EPB41L4A: variants seen among roughly 807,000 people sequenced by gnomAD.
EPB41L4A encodes the protein band 4.1-like protein 4A.
In EPB41L4A, 100 loss-of-function variants were observed where a neutral mutation model predicts 108.6. The ratio of observed to expected loss-of-function variants is 0.92; its 90% confidence interval spans 0.78 to 1.09. EPB41L4A has a LOEUF of 1.09. Ranked by LOEUF, EPB41L4A falls within the 50% of genes least tolerant of loss-of-function variation. The probability of loss-of-function intolerance (pLI) is 0.00; values close to 1 mark genes in which losing one functional copy is unlikely to be tolerated. For synonymous variants in EPB41L4A, 319 were observed against 289.0 expected (o/e 1.10, Z -1.05); for missense variants, 1,030 against 842.7 (o/e 1.22, Z -2.75).
chr5:112,157,598 C>T (rs1759695904), intron 12 of EPB41L4A, among the ~76,000 whole-genome samples: 1 of 152,218 alleles, frequency 6.6e-6, no homozygotes, highest in Non-Finnish European at 1.5e-5. Flanking sequence ...CCCCTTCCTA[C>T]ATCTTCAAAG....
chr5:112,259,936 C>G lies in EPB41L4A; in HGVS notation c.686G>C (p.Gly229Ala). The G allele has an allele frequency of 1.2e-6, 2 of 1,614,102 alleles. No individual in the cohort carries two copies. The highest frequency in any genetic ancestry group is 1.7e-6 in the Non-Finnish European group (2 of 1,179,972). Residue 229 changes from glycine to alanine, a missense_variant, in exon 8 of 23, where the codon GGT (glycine) becomes GCT (alanine). Physicochemically the swap from Gly to Ala is moderately conservative, Grantham distance 60. Transcript: ENST00000261486. Reference sequence around the variant, plus strand: ...CTTTTTATTCTTGTACACAACAACACCAACCGGAGTTAATCCTAAGAAATA... The same window carrying G: ...CTTTTTATTCTTGTACACAACAACAGCAACCGGAGTTAATCCTAAGAAATA... ...SEYFLGLTPV[G>A]VVVYKNKKQV...
At chr5:112,330,847 A>C (rs1285062432) in intron 1 of EPB41L4A, among the ~76,000 whole-genome samples, 1 of 152,088 alleles carries the variant, frequency 6.6e-6, no homozygotes, top group Non-Finnish European at 1.5e-5. Flanking sequence ...AATCATCAAG[A>C]GTGATTACCT....
chr5:112,279,133 G>A (rs1460876103), intron 3 of EPB41L4A, among the ~76,000 whole-genome samples: 3 of 150,534 alleles, frequency 2.0e-5, no homozygotes, highest in South Asian at 4.2e-4. Context: ...TTTTTTAATC[G>A]GTTCAAATAT....
intron 1 of EPB41L4A, among the ~76,000 whole-genome samples, chr5:112,375,882 T>G (rs1163949291): frequency 6.6e-6 from 1 of 152,134 alleles, no homozygotes; most frequent in Non-Finnish European, 1.5e-5. Context: ...CAAGAATCCT[T>G]AGAGAGGAGC....
intron 9 of EPB41L4A, among the ~76,000 whole-genome samples, chr5:112,245,360 A>C (rs1750129472): frequency 6.6e-6 from 1 of 152,226 alleles, no homozygotes; most frequent in Non-Finnish European, 1.5e-5. Context: ...CAAAAGAATA[A>C]TTGAAATGAT....
At chr5:112,347,584 T>C (rs963349660) in intron 1 of EPB41L4A, among the ~76,000 whole-genome samples, 3 of 152,208 alleles carry the variant, frequency 2.0e-5, no homozygotes, top group Admixed American at 1.3e-4. Context: ...GAAAACTTGC[T>C]TTTAGATGTT....
Position 112,216,678 on chromosome 5 carries a change from T to A in EPB41L4A, c.1088-6696A>T, listed in dbSNP as rs56057052. Among the ~76,000 whole-genome samples the A allele has an allele frequency of 4.8e-3, 735 of 152,334 alleles. 2 individuals are homozygous for A. Among genetic ancestry groups the A allele is most frequent in the Middle Eastern group, 6.8e-3 (2 of 294 alleles). On this transcript the variant is annotated intron_variant, in intron 12 of 22. Transcript: ENST00000261486. ...TAGCTATTCTCAACACAGTAAGTTA[T>A]TAGGTTTCAGTTAACACAATCTGAT...
chr5:112,209,882 C>G lies in EPB41L4A; in HGVS notation c.1178+10G>C, dbSNP rs982487545. On this transcript the variant is annotated intron_variant, in intron 13 of 22. Coordinates refer to ENST00000261486, the MANE Select transcript of EPB41L4A (RefSeq NM_022140.5). ...TATAATTGTACGTTTCTTCAGTTAA[C>G]TTCACTGACCTTTTTACTGGTGAAG... The G allele has an allele frequency of 1.3e-6, 2 of 1,545,128 alleles. No homozygotes were observed. The highest frequency in any genetic ancestry group is 8.9e-7 in the Non-Finnish European group (1 of 1,123,498).
intron 1 of EPB41L4A, among the ~76,000 whole-genome samples, chr5:112,365,237 T>G (rs1759048152): frequency 6.6e-6 from 1 of 152,182 alleles, no homozygotes; most frequent in African/African-American, 2.4e-5. Context: ...TGGCCCAGGC[T>G]GGAGTGCAGT....
intron 1 of EPB41L4A, among the ~76,000 whole-genome samples, chr5:112,336,292 A>G (rs922395059): frequency 6.6e-6 from 1 of 152,222 alleles, no homozygotes; most frequent in Non-Finnish European, 1.5e-5. Context: ...TGTTTGAGAA[A>G]GTGCAGGTCA....
intron 1 of EPB41L4A, among the ~76,000 whole-genome samples, chr5:112,401,704 A>AAGAAATGC (rs1213727961): frequency 6.6e-6 from 1 of 152,192 alleles, no homozygotes; most frequent in Non-Finnish European, 1.5e-5. Flanking sequence ...AATGTAACCC[A>AAGAAATGC]AGAAATGCAG....
chr5:112,356,228 G>A (rs945622127), intron 1 of EPB41L4A, among the ~76,000 whole-genome samples: 1 of 152,124 alleles, frequency 6.6e-6, no homozygotes, highest in Non-Finnish European at 1.5e-5. Context: ...TGACCAACTG[G>A]AAGACTGAAC....
chr5:112,407,558 G>A (rs527259567), intron 1 of EPB41L4A, among the ~76,000 whole-genome samples: 1 of 152,268 alleles, frequency 6.6e-6, no homozygotes, highest in Admixed American at 6.5e-5. Flanking sequence ...CAAGATAATA[G>A]ATGAAAATCC....
At chr5:112,178,460 G>A (rs531314504) in intron 18 of EPB41L4A, among the ~76,000 whole-genome samples, 1 of 151,904 alleles carries the variant, frequency 6.6e-6, no homozygotes, top group African/African-American at 2.4e-5. Context: ...GCATCTATTC[G>A]ACAACCAGTA....
At position 112,372,509 on chromosome 5, in the gene EPB41L4A, C is replaced by T. The variant is rs137953034; in HGVS notation, c.99+46432G>A. Among the ~76,000 whole-genome samples the T allele has an allele frequency of 5.9e-4, 90 of 152,180 alleles. 1 individual carries two copies. In the East Asian group the frequency reaches 0.016, roughly 27 times the overall value. On this transcript the variant is annotated intron_variant, in intron 1 of 22. Transcript: ENST00000261486. ...TGAGAAGATAGCTGAACTGAGAGCA[C>T]TAATCATAAGAGAAGGAGAATCTTC...
At chr5:112,388,972 C>T (rs778854004) in intron 1 of EPB41L4A, among the ~76,000 whole-genome samples, 1 of 152,094 alleles carries the variant, frequency 6.6e-6, no homozygotes, top group Admixed American at 6.5e-5. Context: ...TATTGGTTTA[C>T]AGGCCTCTAA....
chr5:112,260,201 CTTCAG>C (rs1751399038), intron 7 of EPB41L4A, among the ~76,000 whole-genome samples: 1 of 152,194 alleles, frequency 6.6e-6, no homozygotes, highest in Non-Finnish European at 1.5e-5. Flanking sequence ...ATACTTGTTA[CTTCAG>C]TTCATTAAAA....
At chr5:112,243,499 C>T (rs1253530879) in intron 9 of EPB41L4A, among the ~76,000 whole-genome samples, 1 of 152,096 alleles carries the variant, frequency 6.6e-6, no homozygotes, top group African/African-American at 2.4e-5. Context: ...TCCTCGGAAG[C>T]TTTAATGCAG....
chr5:112,413,188 G>A (rs1374158831), intron 1 of EPB41L4A, among the ~76,000 whole-genome samples: 1 of 152,212 alleles, frequency 6.6e-6, no homozygotes, highest in Non-Finnish European at 1.5e-5. Flanking sequence ...AAATTTAGAA[G>A]AGAAAGATTT....
Sources: gnomAD v4.1 joint callset for allele counts (sites outside exome capture counted in the v4.1 genomes callset) on GRCh38, gnomAD v4.1.1 for gene constraint, MANE v1.5 for transcripts, NCBI Gene and HGNC (gene_info 2026-07-23, HGNC 2026-07-21) for gene names.